DDR1: variants seen among roughly 807,000 people sequenced by gnomAD.
DDR1 encodes the protein discoidin domain receptor tyrosine kinase 1, also known as epithelial discoidin domain-containing receptor 1.
DDR1 carries 64 observed loss-of-function variants against 97.4 expected under a neutral mutation model. The observed-to-expected ratio is 0.66, with a 90% confidence interval of 0.54 to 0.81. The LOEUF (loss-of-function observed/expected upper bound fraction) is 0.81, where lower values mean the gene tolerates loss of function less well. DDR1 is among the 30% of genes least tolerant of loss of function. The pLI is 0.00. For synonymous variants in DDR1, 458 were observed against 503.7 expected, an observed-to-expected ratio of 0.91 and a Z score of 1.21; for missense variants, 990 against 1,259.6, an observed-to-expected ratio of 0.79 and a Z score of 3.24.
chr6:30,893,235 G>A (rs1044922377), intron 9 of DDR1, 37 bp from the exon 10 acceptor site: 1 of 1,598,394 alleles, frequency 6.3e-7, no homozygotes, highest in Non-Finnish European at 8.5e-7. Context: ...GCTAGGGTGG[G>A]ACCCTCCTGT....
chr6:30,892,802 A>C, intron 8 of DDR1: 2 of 579,804 alleles, frequency 3.4e-6, no homozygotes, highest in Non-Finnish European at 5.9e-6. Context: ...AAATATTGAA[A>C]TACTTCTGTA....
At chr6:30,882,805 G>A (rs1264327), upstream of DDR1, 39,019 of 152,486 alleles carry the variant, frequency 0.26, 6,154 homozygotes, top group Non-Finnish European at 0.35. This position sits in a 1 kb window ranked among gnomAD's most constrained non-coding sequence, Gnocchi z 4.8. Flanking sequence ...AGGGTATGAC[G>A]GGCTGTAGCT....
Position 30,896,845 on chromosome 6 carries a change from G to T in DDR1, c.1849G>T (p.Gly617Cys). The change falls in exon 13 of 18, where the codon GGC (glycine) becomes TGC (cysteine). Residue 617 changes from glycine (G) to cysteine (C), a missense_variant. Transcript: ENST00000376568. ...RSRLRFKEKL[G>C]EGQFGEVHLC... The stretch of plus-strand genomic sequence containing the variant: ...TCGACTCCGCTTCAAGGAGAAGCTT[G>T]GCGAGGGCCAGTTTGGGGAGGTAAG... The T allele has an allele frequency of 6.3e-7, 1 of 1,585,364 alleles. No individual in the cohort carries two copies. The highest frequency in any genetic ancestry group is 8.6e-7 in the Non-Finnish European group (1 of 1,163,520).
chr6:30,892,356 T>G lies in DDR1; in HGVS notation c.913T>G (p.Phe305Val), dbSNP rs2150354853. The G allele has an allele frequency of 6.3e-7, 1 of 1,581,682 alleles. No individual in the cohort carries two copies. The highest frequency in any genetic ancestry group is 8.6e-7 in the Non-Finnish European group (1 of 1,164,480). The change falls in exon 8 of 18, where the codon TTC becomes GTC. Residue 305 changes from phenylalanine to valine, a missense_variant. Physicochemically the swap from Phe to Val is conservative, Grantham distance 50. Transcript: ENST00000376568. ...ARLPGGVECR[F>V]RRGPAMAWEG... Reference sequence around the variant, plus strand: ...TCTGCCTGGCGGGGTGGAATGTCGCTTCCGGCGTGGCCCTGCCATGGCCTG... The same window carrying G: ...TCTGCCTGGCGGGGTGGAATGTCGCGTCCGGCGTGGCCCTGCCATGGCCTG...
In DDR1 at chr6:30,889,078, C is replaced by G. The variant is rs1786981457; in HGVS notation, c.188+68C>G. The G allele has an allele frequency of 6.3e-7, 1 of 1,588,604 alleles. No individual in the cohort carries two copies. The highest frequency in any genetic ancestry group is 1.3e-5 in the African/African-American group (1 of 74,524). ...GCTCCTGGGACCTCTACTTCCCCTC[C>G]AACCCCTCTGCCCATGCCAGTGAAA... is the stretch of plus-strand genomic sequence containing the variant. On this transcript the variant is annotated intron_variant, in intron 3 of 17. Transcript: ENST00000376568. This position sits in a 1 kb window ranked among gnomAD's most constrained non-coding sequence, Gnocchi z 4.9.
chr6:30,889,300 T>C lies in DDR1; in HGVS notation c.287T>C (p.Leu96Pro). 1 of 1,612,928 alleles carries C rather than the reference T, an allele frequency of 6.2e-7. No homozygotes were observed. Among genetic ancestry groups the C allele is most frequent in the Non-Finnish European group, 8.5e-7 (1 of 1,179,980 alleles). Residue 96 changes from leucine (L) to proline (P), a missense_variant, in exon 4 of 18, where the codon CTG becomes CCG. Coordinates refer to ENST00000376568, the MANE Select transcript of DDR1 (RefSeq NM_001297654.2). This position sits in a 1 kb window ranked among gnomAD's most constrained non-coding sequence, Gnocchi z 4.9. The stretch of plus-strand genomic sequence containing the variant: ...CAGGTGGATCTACAACGACTGCACC[T>C]GGTGGCTCTGGTGGGCACCCAGGGA... ...YLQVDLQRLHLVALVGTQGRH... is the reference protein window; with the variant it reads ...YLQVDLQRLHPVALVGTQGRH...
chr6:30,892,893 C>T (rs1789087505), intron 8 of DDR1, 175 bp from the exon 9 acceptor site: 1 of 639,760 alleles, frequency 1.6e-6, no homozygotes, highest in South Asian at 2.0e-5. Flanking sequence ...ATAGGGTTAA[C>T]ACCCACCACA....
At chr6:30,887,216 G>A (rs1186362548) in intron 1 of DDR1, among the ~76,000 whole-genome samples, 2 of 152,172 alleles carry the variant, frequency 1.3e-5, no homozygotes, top group Admixed American at 6.6e-5. Context: ...CTTATCTGAT[G>A]TTTAATTCTA....
intron 1 of DDR1, chr6:30,885,165 C>G (rs956639062): frequency 8.5e-6 from 13 of 1,522,084 alleles, no homozygotes; most frequent in Non-Finnish European, 1.1e-5. Context: ...CACTCTAACC[C>G]ACCAGTGACA....
chr6:30,881,786 G>A (rs1352281036), upstream of DDR1: 1 of 152,880 alleles, frequency 6.5e-6, no homozygotes, highest in Non-Finnish European at 1.5e-5. Flanking sequence ...CTGTCTCCTT[G>A]GCCTTGACCT....
chr6:30,885,472 C>T, intron 1 of DDR1: 2 of 924,956 alleles, frequency 2.2e-6, no homozygotes, highest in South Asian at 3.5e-5. Context: ...CTGTTCCCTG[C>T]CCCCTCGACG....
At chr6:30,898,847 T>G (rs769379042) in intron 16 of DDR1, 41 bp from the exon 17 acceptor site, 1 of 1,581,850 alleles carries the variant, frequency 6.3e-7, no homozygotes, top group Non-Finnish European at 8.6e-7. Flanking sequence ...CTACGTTGCC[T>G]GATGTCCCTG....
chr6:30,889,217 C>A lies in DDR1; in HGVS notation c.204C>A (p.Asp68Glu). 1 of 1,613,038 alleles carries A rather than the reference C, an allele frequency of 6.2e-7. No individual in the cohort carries two copies. The highest frequency in any genetic ancestry group is 8.5e-7 in the Non-Finnish European group (1 of 1,180,026). Residue 68 changes from aspartate to glutamate, a missense_variant, in exon 4 of 18, where the codon GAC (aspartate) becomes GAA (glutamate). Coordinates refer to ENST00000376568, the MANE Select transcript of DDR1 (RefSeq NM_001297654.2). The surrounding 1 kb of genome is among the most constrained non-coding windows in gnomAD (Gnocchi z 4.9). ...TCACCCTCAGGTTGGAGAGCAGTGACGGGGATGGGGCCTGGTGCCCCGCAG... is the reference window on the plus strand; with the variant it reads ...TCACCCTCAGGTTGGAGAGCAGTGAAGGGGATGGGGCCTGGTGCCCCGCAG... ...AARHSRLESS[D>E]GDGAWCPAGS...
At position 30,897,668 on chromosome 6, in the gene DDR1, G is replaced by T. The variant is rs971312653; in HGVS notation, c.2216+71G>T. 13 of 1,323,830 alleles carry T rather than the reference G, an allele frequency of 9.8e-6. No individual in the cohort carries two copies. The Admixed American group carries it at 2.7e-4, about 27-fold the overall frequency. 82.0% of individuals were successfully genotyped at this position (1,323,830 alleles called of 1,614,324 possible). A position where few individuals can be genotyped will look rare whatever the true frequency, so the allele number is the denominator to read the frequency against. ...GATCTCCTCCTCTCCCCTCGCTTCAGCCTGGAGGAAAAGAGGGGAGCGTGG... is the reference window on the plus strand; with the variant it reads ...GATCTCCTCCTCTCCCCTCGCTTCATCCTGGAGGAAAAGAGGGGAGCGTGG... On this transcript the variant is annotated intron_variant, in intron 15 of 17. Transcript: ENST00000376568. This position sits in a 1 kb window ranked among gnomAD's most constrained non-coding sequence, Gnocchi z 5.2.
In DDR1 at chr6:30,884,535, C is replaced by G. The variant is rs1290768157; in HGVS notation, c.-218C>G. On this transcript the variant is annotated 5_prime_UTR_variant, in exon 1 of 18. Coordinates refer to ENST00000376568, the MANE Select transcript of DDR1 (RefSeq NM_001297654.2). This position sits in a 1 kb window ranked among gnomAD's most constrained non-coding sequence, Gnocchi z 6.1. ...CCAGCCCTGGCTCCTCTCCCCGGAACAGGCCCCCGACAGCTGCTCTCGGGA... is the reference window on the plus strand; with the variant it reads ...CCAGCCCTGGCTCCTCTCCCCGGAAGAGGCCCCCGACAGCTGCTCTCGGGA... 6.6e-6 allele frequency: 1 copy of G among 151,932 alleles called. No individual in the cohort carries two copies. Among genetic ancestry groups the G allele is most frequent in the Non-Finnish European group, 1.5e-5 (1 of 67,930 alleles). The allele number at this position is 151,932 out of a possible 1,614,324, so 9.4% of individuals were successfully genotyped here. A position where few individuals can be genotyped will look rare whatever the true frequency, so the allele number is the denominator to read the frequency against.
In DDR1 at chr6:30,897,449, G is replaced by C; in HGVS notation, c.2068G>C (p.Val690Leu). The C allele has an allele frequency of 6.2e-7, 1 of 1,613,940 alleles. No individual in the cohort carries two copies. Among genetic ancestry groups the C allele is most frequent in the South Asian group, 1.1e-5 (1 of 91,058 alleles). ...KDPNIIRLLG[V>L]CVQDDPLCMI... ...CCCAAACATCATTCGGCTGCTGGGC[G>C]TGTGTGTGCAGGACGACCCCCTCTG... is the stretch of plus-strand genomic sequence containing the variant. Residue 690 changes from valine to leucine, a missense_variant, in exon 15 of 18, where the codon GTG becomes CTG. Val to Leu is a conservative substitution (Grantham distance 32). Coordinates refer to ENST00000376568, the MANE Select transcript of DDR1 (RefSeq NM_001297654.2). The surrounding 1 kb of genome is among the most constrained non-coding windows in gnomAD (Gnocchi z 5.2).
chr6:30,889,132 T>C lies in DDR1; in HGVS notation c.189-70T>C. On this transcript the variant is annotated intron_variant, in intron 3 of 17. Transcript: ENST00000376568. This position sits in a 1 kb window ranked among gnomAD's most constrained non-coding sequence, Gnocchi z 4.9. ...CTGCAGGCTGAGGGGGCAAATGAAG[T>C]GGGGTTTAAATACTGGAGATGGAGG... 6.3e-7 allele frequency: 1 copy of C among 1,583,954 alleles called. No homozygotes were observed. Among genetic ancestry groups the C allele is most frequent in the Non-Finnish European group, 8.7e-7 (1 of 1,154,788 alleles).
rs1056221997 is a variant in DDR1, at chr6:30,899,084, G to C, written c.2601+47G>C. ...GATGGGTCCGAGGCGGGGGACAGAA[G>C]GGGCAGAGTTGTCATCTTGGAGACT... On this transcript the variant is annotated intron_variant, in intron 17 of 17. Transcript: ENST00000376568. 9 of 1,614,160 alleles carry C rather than the reference G, an allele frequency of 5.6e-6. No individual in the cohort carries two copies. In the Middle Eastern group the frequency reaches 4.9e-4, roughly 89 times the overall value.
rs527334105 is a variant in DDR1 at position 30,894,537 on chromosome 6, C to T, written c.1379C>T (p.Thr460Met). ...CGGAGGGTGTTGGAAGAGGAGCTGA[C>T]GGTTCACCTCTCTGTCCCTGGGGAC... ...AERRVLEEELTVHLSVPGDTI... is the reference protein window; with the variant it reads ...AERRVLEEELMVHLSVPGDTI... The change falls in exon 11 of 18, where the codon ACG (threonine) becomes ATG (methionine). Residue 460 changes from threonine (T) to methionine (M), a missense_variant. Transcript: ENST00000376568. The surrounding 1 kb of genome is among the most constrained non-coding windows in gnomAD (Gnocchi z 5.7). The T allele has an allele frequency of 1.6e-5, 25 of 1,612,102 alleles. No homozygotes were observed. Among genetic ancestry groups the T allele is most frequent in the East Asian group, 1.1e-4 (5 of 44,738 alleles).
Sources: gnomAD v4.1 joint callset for allele counts (sites outside exome capture counted in the v4.1 genomes callset) on GRCh38, gnomAD v4.1.1 for gene constraint, Gnocchi (gnomAD v3.1) non-coding constraint, MANE v1.5 for transcripts, NCBI Gene and HGNC (gene_info 2026-07-23, HGNC 2026-07-21) for gene names.